DECR1: variants seen among roughly 807,000 people sequenced by gnomAD.
The protein encoded by DECR1 is 2,4-dienoyl-CoA reductase 1, also known as 2,4-dienoyl-CoA reductase [(3E)-enoyl-CoA-producing], mitochondrial.
Under a neutral mutation model 38.8 loss-of-function variants are expected in DECR1, and 44 were observed. The observed-to-expected ratio is 1.13, with a 90% CI of 0.89 to 1.46. The LOEUF is 1.46. Among genes scored for constraint, DECR1 ranks in the 40% most tolerant of loss-of-function variants. The pLI is 0.00. For missense variants in DECR1, 428 were observed against 405.5 expected, an observed-to-expected ratio of 1.06 and a Z score of -0.48; for synonymous variants, 148 against 135.2, an observed-to-expected ratio of 1.09 and a Z score of -0.66.
chr8:90,007,445 G>A (rs1812772215), intron 1 of DECR1, among the ~76,000 whole-genome samples: 1 of 151,956 alleles, frequency 6.6e-6, no homozygotes. Context: ...TCAGGTGGTG[G>A]ATATAGAGGG....
intron 1 of DECR1, among the ~76,000 whole-genome samples, chr8:90,010,321 T>C (rs1812850508): frequency 6.6e-6 from 1 of 152,204 alleles, no homozygotes; most frequent in Non-Finnish European, 1.5e-5. Flanking sequence ...AGTTCTTCAT[T>C]CTGCAAGGCT....
intron 5 of DECR1, among the ~76,000 whole-genome samples, chr8:90,026,971 C>T (rs1181246349): frequency 4.6e-5 from 7 of 152,268 alleles, no homozygotes; most frequent in Non-Finnish European, 7.4e-5. Context: ...GCTTTCATTT[C>T]GTTATGTACC....
chr8:90,016,981 T>A (rs1813023514), intron 1 of DECR1, 143 bp from the exon 2 acceptor site: 1 of 622,096 alleles, frequency 1.6e-6, no homozygotes, highest in Admixed American at 3.0e-5. Context: ...GAATAATAAT[T>A]AAGTACAATA....
intron 2 of DECR1, among the ~76,000 whole-genome samples, chr8:90,018,409 C>T (rs1813062936): frequency 6.6e-6 from 1 of 152,194 alleles, no homozygotes; most frequent in African/African-American, 2.4e-5. Context: ...AAGTAGTCAT[C>T]CAAACAACAG....
At chr8:90,012,201 G>A (rs754885485) in intron 1 of DECR1, among the ~76,000 whole-genome samples, 22 of 150,902 alleles carry the variant, frequency 1.5e-4, no homozygotes, top group Non-Finnish European at 3.1e-4. Context: ...TGCCCAGGCT[G>A]GAGTGTGGTG....
intron 8 of DECR1, among the ~76,000 whole-genome samples, chr8:90,048,934 A>G (rs1354275933): frequency 1.3e-5 from 2 of 152,248 alleles, no homozygotes; most frequent in Admixed American, 1.3e-4. Flanking sequence ...ACCAAAGACA[A>G]AAACCACATG....
At position 90,001,569 on chromosome 8, in the gene DECR1, G is replaced by A. The variant is rs1340937208; in HGVS notation, c.69+8G>A. 1 of 1,610,732 alleles carries A rather than the reference G, an allele frequency of 6.2e-7. No homozygotes were observed. On this transcript the variant is annotated splice_region_variant and intron_variant, in intron 1 of 9. Coordinates refer to ENST00000220764, the MANE Select transcript of DECR1 (RefSeq NM_001359.2). ...GGCCTCGCTCCTCGGAGGGTAAGGC[G>A]GCCGGGGGCGCGGGGAGCGAGGACA... is the stretch of plus-strand genomic sequence containing the variant.
intron 6 of DECR1, among the ~76,000 whole-genome samples, chr8:90,038,426 C>CAG (rs1232526475): frequency 2.0e-5 from 3 of 148,662 alleles, no homozygotes; most frequent in Non-Finnish European, 3.0e-5. Context: ...ACCAATGTAG[C>CAG]AGAGAGAGAG....
chr8:90,029,608 A>G (rs1326727926), intron 5 of DECR1: 4 of 152,240 alleles, frequency 2.6e-5, no homozygotes, highest in African/African-American at 9.6e-5. Context: ...TGAACTAAGT[A>G]AAGTACATTA....
intron 5 of DECR1, among the ~76,000 whole-genome samples, chr8:90,026,701 G>GT (rs1399853530): frequency 5.3e-5 from 8 of 152,048 alleles, no homozygotes; most frequent in South Asian, 2.1e-4. Context: ...TTTTTGAAGG[G>GT]TTTTTTGTGT....
chr8:90,045,806 T>C (rs185458528), intron 8 of DECR1, among the ~76,000 whole-genome samples: 5 of 152,230 alleles, frequency 3.3e-5, no homozygotes, highest in African/African-American at 1.2e-4. Flanking sequence ...TGACACCTCA[T>C]ACAGCCAGGT....
intron 5 of DECR1, among the ~76,000 whole-genome samples, chr8:90,025,502 C>G (rs191917145): frequency 2.2e-4 from 33 of 152,264 alleles, no homozygotes; most frequent in African/African-American, 7.9e-4. Flanking sequence ...TGGGAGTTCA[C>G]TCATGATTTG....
At chr8:90,022,424 C>G (rs1316926076) in intron 5 of DECR1, among the ~76,000 whole-genome samples, 1 of 152,000 alleles carries the variant, frequency 6.6e-6, no homozygotes, top group Non-Finnish European at 1.5e-5. Context: ...AATTGAAATT[C>G]CTGGTTACTC....
At chr8:90,008,880 C>T (rs1252637193) in intron 1 of DECR1, among the ~76,000 whole-genome samples, 1 of 152,180 alleles carries the variant, frequency 6.6e-6, no homozygotes, top group African/African-American at 2.4e-5. Flanking sequence ...GTTTTATTTG[C>T]TAACTTCCCA....
intron 1 of DECR1, chr8:90,005,988 C>T (rs1338170311): frequency 1.8e-6 from 1 of 542,092 alleles, no homozygotes; most frequent in Non-Finnish European, 3.3e-6. Flanking sequence ...CTTTCACAAC[C>T]TGCTTTAGTG....
intron 1 of DECR1, among the ~76,000 whole-genome samples, chr8:90,010,418 C>T (rs1812852429): frequency 6.6e-6 from 1 of 152,210 alleles, no homozygotes; most frequent in Non-Finnish European, 1.5e-5. Context: ...GGACCACATA[C>T]ACTGTGCTGA....
chr8:90,025,967 C>G (rs1025107231), intron 5 of DECR1, among the ~76,000 whole-genome samples: 2 of 152,154 alleles, frequency 1.3e-5, no homozygotes, highest in Non-Finnish European at 2.9e-5. Context: ...TTTTCTGCAT[C>G]TATTGAGATA....
chr8:90,015,414 T>C, intron 1 of DECR1: 2 of 305,900 alleles, frequency 6.5e-6, no homozygotes, highest in South Asian at 5.8e-5. Context: ...CTACTTACTG[T>C]TGTTATTTCC....
At chr8:90,022,672 T>A (rs1813192943) in intron 5 of DECR1, among the ~76,000 whole-genome samples, 1 of 152,050 alleles carries the variant, frequency 6.6e-6, no homozygotes, top group South Asian at 2.1e-4. Context: ...GATATCTCCA[T>A]TTCATTCTCT....
Sources: gnomAD v4.1 joint callset for allele counts (sites outside exome capture counted in the v4.1 genomes callset) on GRCh38, gnomAD v4.1.1 for gene constraint, MANE v1.5 for transcripts, NCBI Gene and HGNC (gene_info 2026-07-23, HGNC 2026-07-21) for gene names.